PDZD2: variants seen among roughly 807,000 people sequenced by gnomAD.
PDZD2 encodes the protein PDZ domain containing 2, also known as PDZ domain-containing protein 2.
PDZD2 carries 90 observed loss-of-function variants against 220.7 expected under a neutral mutation model. The ratio of observed to expected loss-of-function variants is 0.41; its 90% confidence interval spans 0.34 to 0.49. The LOEUF is 0.49. Ranked by LOEUF, PDZD2 falls within the 20% of genes least tolerant of loss-of-function variation. The probability of loss-of-function intolerance (pLI) is 0.28; values close to 1 mark genes in which losing one functional copy is unlikely to be tolerated. For missense variants in PDZD2, 3,174 were observed against 3,608.5 expected (o/e 0.88, Z 3.08); for synonymous variants, 1,375 against 1,450.5 (o/e 0.95, Z 1.18).
At chr5:31,643,912 C>T (rs1346518108) in intron 1 of PDZD2, among the ~76,000 whole-genome samples, 10 of 152,128 alleles carry the variant, frequency 6.6e-5, no homozygotes, top group Non-Finnish European at 4.4e-5. Flanking sequence ...TTGACCTCCC[C>T]GGCTCCAGTG....
At chr5:31,824,778 C>T (rs906821606) in intron 2 of PDZD2, among the ~76,000 whole-genome samples, 2 of 151,818 alleles carry the variant, frequency 1.3e-5, no homozygotes, top group Non-Finnish European at 2.9e-5. Context: ...GAATAAAATG[C>T]GTTAGGAAAA....
intron 1 of PDZD2, among the ~76,000 whole-genome samples, chr5:31,715,089 C>T (rs945579828): frequency 1.3e-5 from 2 of 151,600 alleles, no homozygotes; most frequent in Non-Finnish European, 2.9e-5. Flanking sequence ...AAAGAAAATG[C>T]CTGGTTCTGT....
chr5:32,028,167 C>T (rs2877239), intron 6 of PDZD2, among the ~76,000 whole-genome samples: 72,654 of 152,112 alleles, frequency 0.48, 18,874 homozygotes, highest in Non-Finnish European at 0.58. Context: ...ATAAAAGCCA[C>T]GCTTTGCATG....
intron 1 of PDZD2, among the ~76,000 whole-genome samples, chr5:31,727,132 C>A (rs1315644067): frequency 6.6e-6 from 1 of 152,196 alleles, no homozygotes; most frequent in African/African-American, 2.4e-5. Flanking sequence ...ACCGTCCAAA[C>A]ACCTCCCACC....
chr5:31,913,716 A>G (rs955683007), intron 2 of PDZD2, among the ~76,000 whole-genome samples: 7 of 152,164 alleles, frequency 4.6e-5, no homozygotes, highest in African/African-American at 1.4e-4. Context: ...AAGGGGGAAA[A>G]ACCAAATCTG....
At chr5:31,677,335 G>T (rs866799252) in intron 1 of PDZD2, among the ~76,000 whole-genome samples, 1 of 5,090 alleles carries the variant, frequency 2.0e-4, no homozygotes, top group Admixed American at 2.4e-3. Flanking sequence ...AGGTATATCC[G>T]GCCGGGCGCA....
chr5:31,879,563 T>G (rs193100015), intron 2 of PDZD2, among the ~76,000 whole-genome samples: 320 of 152,300 alleles, frequency 2.1e-3, no homozygotes, highest in African/African-American at 7.4e-3. Flanking sequence ...TCTAGCATTC[T>G]TATGAATGGT....
intron 1 of PDZD2, among the ~76,000 whole-genome samples, chr5:31,759,152 C>T (rs919359122): frequency 2.0e-5 from 3 of 152,026 alleles, no homozygotes; most frequent in African/African-American, 7.2e-5. Flanking sequence ...CCCCCTCCTC[C>T]ACCTCCTCCC....
At chr5:31,654,110 G>A (rs1281762902) in intron 1 of PDZD2, among the ~76,000 whole-genome samples, 1 of 152,066 alleles carries the variant, frequency 6.6e-6, no homozygotes, top group East Asian at 1.9e-4. Flanking sequence ...GCTGAGTCCA[G>A]AACATGACCC....
intron 5 of PDZD2, among the ~76,000 whole-genome samples, chr5:32,002,020 T>C (rs566504016): frequency 2.8e-4 from 42 of 152,226 alleles, no homozygotes; most frequent in Non-Finnish European, 5.6e-4. Context: ...CCATGATCTC[T>C]GTTGTTATTT....
Position 32,099,860 on chromosome 5 carries a change from C to T in PDZD2, c.8218+1226C>T, listed in dbSNP as rs1372185220. On this transcript the variant is annotated intron_variant, in intron 23 of 24. Coordinates refer to ENST00000438447, the MANE Select transcript of PDZD2 (RefSeq NM_178140.4). ...GCTGAGCGCCTGGAGGGCTTAACCTCGCTCAGTTTCCTGTTCTTCAGTCTC... is the reference window on the plus strand; with the variant it reads ...GCTGAGCGCCTGGAGGGCTTAACCTTGCTCAGTTTCCTGTTCTTCAGTCTC... The T allele has an allele frequency of 7.2e-5, 11 of 152,304 alleles. No homozygotes were observed. The East Asian group carries it at 1.7e-3, about 24-fold the overall frequency. The allele number at this position is 152,304 out of a possible 1,614,324, so 9.4% of individuals were successfully genotyped here.
chr5:32,046,967 T>C (rs1423678601), intron 7 of PDZD2, among the ~76,000 whole-genome samples: 1 of 151,978 alleles, frequency 6.6e-6, no homozygotes, highest in Non-Finnish European at 1.5e-5. Flanking sequence ...CACTTGAACC[T>C]GGGAGGTGGA....
At chr5:31,677,869 A>T (rs1444969105) in intron 1 of PDZD2, among the ~76,000 whole-genome samples, 1 of 151,348 alleles carries the variant, frequency 6.6e-6, no homozygotes, top group East Asian at 1.9e-4. Flanking sequence ...TCGAATGGGG[A>T]TGGTAGGACA....
At chr5:31,802,309 T>G (rs1561471238) in intron 2 of PDZD2, among the ~76,000 whole-genome samples, 1 of 152,202 alleles carries the variant, frequency 6.6e-6, no homozygotes, top group Non-Finnish European at 1.5e-5. Flanking sequence ...GCTAGTGTTA[T>G]TGTTCCAGAA....
intron 1 of PDZD2, among the ~76,000 whole-genome samples, chr5:31,704,075 C>T (rs1474940407): frequency 2.0e-5 from 3 of 151,710 alleles, no homozygotes; most frequent in African/African-American, 4.8e-5. Flanking sequence ...TGCAGTGGCA[C>T]GATCATAGAT....
Position 32,057,864 on chromosome 5 carries a change from C to T in PDZD2, c.1975-14C>T, listed in dbSNP as rs374281223. On this transcript the variant is annotated splice_polypyrimidine_tract_variant and intron_variant, in intron 11 of 24. Coordinates refer to ENST00000438447, the MANE Select transcript of PDZD2 (RefSeq NM_178140.4). The stretch of plus-strand genomic sequence containing the variant: ...CCAAATGTTTCAGCCCACCTTTCCT[C>T]ACTGTTTTCTCAGCAAATCCGGAGT... 2 of 1,591,818 alleles carry T rather than the reference C, an allele frequency of 1.3e-6. No individual in the cohort carries two copies. Among genetic ancestry groups the T allele is most frequent in the Non-Finnish European group, 1.7e-6 (2 of 1,160,338 alleles).
intron 24 of PDZD2, among the ~76,000 whole-genome samples, chr5:32,102,353 C>G (rs563530978): frequency 6.6e-6 from 1 of 151,960 alleles, no homozygotes; most frequent in Admixed American, 6.6e-5. Flanking sequence ...CGAAGCATCT[C>G]GTGATGCAGA....
At chr5:31,803,534 G>A (rs991746771) in intron 2 of PDZD2, among the ~76,000 whole-genome samples, 17 of 151,926 alleles carry the variant, frequency 1.1e-4, no homozygotes, top group Non-Finnish European at 2.1e-4. Context: ...TAGTTGTCCC[G>A]GTGTCTGGCC....
chr5:32,096,565 C>T (rs766258000), intron 21 of PDZD2, among the ~76,000 whole-genome samples: 3 of 151,906 alleles, frequency 2.0e-5, no homozygotes, highest in Non-Finnish European at 2.9e-5. Flanking sequence ...GTGATCCGCC[C>T]GCCTTGGCCT....
Sources: allele counts gnomAD v4.1 joint callset (sites outside exome capture counted in the v4.1 genomes callset), GRCh38; gene constraint gnomAD v4.1.1; transcripts MANE v1.5; gene names NCBI Gene and HGNC (gene_info 2026-07-23, HGNC 2026-07-21).